KLRG1: variants seen among roughly 807,000 people sequenced by gnomAD.
KLRG1 encodes the protein killer cell lectin-like receptor subfamily G member 1.
KLRG1 carries 16 observed loss-of-function variants against 21.8 expected under a neutral mutation model. The observed-to-expected ratio is 0.73, with a 90% CI of 0.50 to 1.11. The LOEUF (loss-of-function observed/expected upper bound fraction) is 1.11, where lower values mean the gene tolerates loss of function less well. Ranked by LOEUF, KLRG1 falls within the 50% of genes most tolerant of loss-of-function variation. The pLI, the probability that KLRG1 is intolerant of heterozygous loss-of-function variation, is 0.00. For missense variants in KLRG1, 173 were observed against 218.3 expected, an observed-to-expected ratio of 0.79 and a Z score of 1.31; for synonymous variants, 69 against 75.9, an observed-to-expected ratio of 0.91 and a Z score of 0.47.
At chr12:9,104,922 T>A in the KLRG1 span, among the ~76,000 whole-genome samples, 1 of 152,214 alleles carries the variant, frequency 6.6e-6, no homozygotes. Flanking sequence ...TGCCAATACA[T>A]TGTCCTGTGT....
At chr12:8,970,013 G>C (rs11048344) in intron 1 of KLRG1, among the ~76,000 whole-genome samples, 54,094 of 152,068 alleles carry the variant, frequency 0.36, 11,052 homozygotes, top group South Asian at 0.46. Context: ...CTACTCTGGA[G>C]GCTGAGGTGG....
chr12:9,056,615 C>T, the KLRG1 span, among the ~76,000 whole-genome samples: 1 of 151,908 alleles, frequency 6.6e-6, no homozygotes, highest in Non-Finnish European at 1.5e-5. Context: ...CTCACTCTTT[C>T]ACTCACTGCA....
At chr12:9,144,934 T>G in the KLRG1 span, among the ~76,000 whole-genome samples, 1 of 152,200 alleles carries the variant, frequency 6.6e-6, no homozygotes, top group South Asian at 2.1e-4. Context: ...AGTTTTTGAT[T>G]AAGGGGAACT....
At chr12:9,109,466 T>A in the KLRG1 span, 1 of 1,323,310 alleles carries the variant, frequency 7.6e-7, no homozygotes, top group Non-Finnish European at 1.1e-6. Context: ...AATTCCTATT[T>A]TCAGGTTCCC....
chr12:9,014,612 G>A (rs1435554056), downstream of KLRG1, among the ~76,000 whole-genome samples: 1 of 151,728 alleles, frequency 6.6e-6, no homozygotes, highest in Non-Finnish European at 1.5e-5. Flanking sequence ...ATGCTAAAGG[G>A]GGTTCTTCAA....
chr12:9,075,407 A>G, the KLRG1 span, among the ~76,000 whole-genome samples: 1 of 152,224 alleles, frequency 6.6e-6, no homozygotes, highest in Non-Finnish European at 1.5e-5. Flanking sequence ...AAACAGGCAC[A>G]TGAGTATTCA....
chr12:8,951,724 G>A (rs1054431038), intron 1 of KLRG1, among the ~76,000 whole-genome samples: 1 of 152,082 alleles, frequency 6.6e-6, no homozygotes, highest in African/African-American at 2.4e-5. Flanking sequence ...AAAAATCCCT[G>A]TTACAATCCG....
the KLRG1 span, among the ~76,000 whole-genome samples, chr12:9,129,724 A>G: frequency 9.8e-4 from 149 of 152,012 alleles, no homozygotes; most frequent in South Asian, 0.029. Flanking sequence ...CTTTTTTTGT[A>G]TTTTTAGTAG....
chr12:9,164,280 G>C, the KLRG1 span: 8 of 1,609,586 alleles, frequency 5.0e-6, no homozygotes, highest in Non-Finnish European at 5.9e-6. Flanking sequence ...ATGTGAGGCA[G>C]AGACAGAAAT....
At chr12:9,178,133 G>T in the KLRG1 span, among the ~76,000 whole-genome samples, 1 of 152,132 alleles carries the variant, frequency 6.6e-6, no homozygotes, top group African/African-American at 2.4e-5. Context: ...CCCAATCTGC[G>T]GTTTTGGTTT....
At chr12:9,022,229 C>T in the KLRG1 span, among the ~76,000 whole-genome samples, 1 of 152,122 alleles carries the variant, frequency 6.6e-6, no homozygotes, top group Admixed American at 6.5e-5. Context: ...ATTGTATGTG[C>T]TATACTTTTA....
chr12:9,166,059 C>T, the KLRG1 span: 9 of 1,605,586 alleles, frequency 5.6e-6, no homozygotes, highest in African/African-American at 1.1e-4. Context: ...TACTTCACTG[C>T]CACCAACTCC....
At chr12:9,138,625 T>C in the KLRG1 span, among the ~76,000 whole-genome samples, 1 of 152,042 alleles carries the variant, frequency 6.6e-6, no homozygotes, top group African/African-American at 2.4e-5. Context: ...AGCTATCTGA[T>C]CCTGGGTTTT....
chr12:9,062,674 ATATT>A, the KLRG1 span, among the ~76,000 whole-genome samples: 4 of 147,720 alleles, frequency 2.7e-5, no homozygotes, highest in Admixed American at 6.8e-5. Context: ...ACATATTTAT[ATATT>A]TATATCGGAT....
At chr12:9,029,784 TCTCA>T in the KLRG1 span, among the ~76,000 whole-genome samples, 1 of 152,190 alleles carries the variant, frequency 6.6e-6, no homozygotes, top group Non-Finnish European at 1.5e-5. Context: ...TTTGAGACAG[TCTCA>T]CTCTGTTGCC....
At chr12:9,135,607 T>A in the KLRG1 span, 1 of 273,208 alleles carries the variant, frequency 3.7e-6, no homozygotes, top group Non-Finnish European at 7.0e-6. Context: ...AGATGGATCA[T>A]CTTATAGTGC....
the KLRG1 span, chr12:9,194,277 A>C: frequency 6.3e-7 from 1 of 1,597,576 alleles, no homozygotes; most frequent in East Asian, 2.2e-5. Context: ...TGTGAACAAC[A>C]CCCAGAGAGG....
chr12:9,064,727 T>C, the KLRG1 span: 2 of 154,106 alleles, frequency 1.3e-5, no homozygotes, highest in Admixed American at 1.3e-4. The surrounding 1 kb of genome is among the most constrained non-coding windows in gnomAD (Gnocchi z 4.0). Context: ...AAGGCGGAGC[T>C]GGGTCCGGGG....
the KLRG1 span, among the ~76,000 whole-genome samples, chr12:9,179,914 T>TTCAAAATCACATCTCAGC: frequency 5.3e-5 from 8 of 152,188 alleles, no homozygotes; most frequent in Non-Finnish European, 1.0e-4. Flanking sequence ...GATTCAGAAT[T>TTCAAAATCACATCTCAGC]TCAAAATCAC....
Sources: gnomAD v4.1 joint callset for allele counts (sites outside exome capture counted in the v4.1 genomes callset) on GRCh38, gnomAD v4.1.1 for gene constraint, Gnocchi (gnomAD v3.1) non-coding constraint, MANE v1.5 for transcripts, NCBI Gene and HGNC (gene_info 2026-07-23, HGNC 2026-07-21) for gene names.